The following KLRD1 variants were observed in gnomAD, a reference collection of about 807,000 sequenced individuals.
The protein encoded by KLRD1 is killer cell lectin like receptor D1.
Under a neutral mutation model 22.6 loss-of-function variants are expected in KLRD1, and 21 were observed. The ratio of observed to expected loss-of-function variants is 0.93; its 90% CI spans 0.66 to 1.34. The LOEUF (loss-of-function observed/expected upper bound fraction) is 1.34. KLRD1 is among the 40% of genes most tolerant of loss of function. KLRD1 has a pLI of 0.00. For missense variants in KLRD1, 183 were observed against 208.6 expected (o/e 0.88, Z 0.76); for synonymous variants, 59 against 71.1 (o/e 0.83, Z 0.85).
chr12:10,286,652 G>A (rs1243358083), intron 1 of KLRD1, among the ~76,000 whole-genome samples: 2 of 103,538 alleles, frequency 1.9e-5, no homozygotes, highest in Admixed American at 1.0e-4. Flanking sequence ...ATTTTATTTC[G>A]CTTATGGTGC....
chr12:10,311,425 T>A, intron 3 of KLRD1, 39 bp from the exon 4 acceptor site: 1 of 1,573,850 alleles, frequency 6.4e-7, no homozygotes, highest in African/African-American at 1.4e-5. Context: ...AAATGTCTAG[T>A]CTCCAGTGTC....
chr12:10,246,535 C>T (rs2137614415), intron 1 of KLRD1, among the ~76,000 whole-genome samples: 1 of 152,240 alleles, frequency 6.6e-6, no homozygotes, highest in East Asian at 1.9e-4. Context: ...TCTGAGAAAA[C>T]TCTTCCACAT....
chr12:10,296,935 T>C (rs1440861234), intron 1 of KLRD1, among the ~76,000 whole-genome samples: 3 of 152,264 alleles, frequency 2.0e-5, no homozygotes, highest in Admixed American at 2.0e-4. Context: ...AAGATGGCTC[T>C]GCTTTCTCCC....
intron 1 of KLRD1, among the ~76,000 whole-genome samples, chr12:10,286,799 G>A (rs944060106): frequency 2.7e-5 from 4 of 147,506 alleles, no homozygotes; most frequent in South Asian, 2.2e-4. Context: ...ATGAGCCACC[G>A]CATCTGGTCC....
In KLRD1 at chr12:10,326,709, A is replaced by T. The variant is rs974112418; in HGVS notation, c.*11916A>T. The T allele has an allele frequency of 6.6e-6, 1 of 152,132 alleles. No individual in the cohort carries two copies. Among genetic ancestry groups the T allele is most frequent in the Non-Finnish European group, 1.5e-5 (1 of 68,038 alleles). 9.4% of individuals were successfully genotyped at this position (152,132 alleles called of 1,614,324 possible). On this transcript the variant is annotated 3_prime_UTR_variant, in exon 6 of 6. Transcript: ENST00000336164. ...TCACAGGTAAGGGACAAATGGTTGC[A>T]TCTTTTTGTTTCTGATTAGCCTTTC... is the stretch of plus-strand genomic sequence containing the variant.
chr12:10,243,607 CA>C (rs34864670), intron 1 of KLRD1, among the ~76,000 whole-genome samples: 672 of 28,764 alleles, frequency 0.023, 61 homozygotes, highest in African/African-American at 0.13. Context: ...AGTGAGACTC[CA>C]AAAAAAAAAA....
At chr12:10,254,236 G>C (rs2927560) in intron 1 of KLRD1, among the ~76,000 whole-genome samples, 9,217 of 151,644 alleles carry the variant, frequency 0.061, 849 homozygotes, top group African/African-American at 0.2. Flanking sequence ...AGACCATTCT[G>C]GGTAACGTGG....
At chr12:10,254,331 G>A (rs1039607740) in intron 1 of KLRD1, among the ~76,000 whole-genome samples, 9 of 151,208 alleles carry the variant, frequency 6.0e-5, no homozygotes, top group African/African-American at 2.2e-4. Flanking sequence ...TGGAGGCTGA[G>A]GCAGGTGAAT....
At chr12:10,280,725 T>C (rs1949632885) in intron 1 of KLRD1, among the ~76,000 whole-genome samples, 1 of 152,008 alleles carries the variant, frequency 6.6e-6, no homozygotes, top group African/African-American at 2.4e-5. Context: ...GACTGTGTGA[T>C]ACAGTTGTCA....
At chr12:10,244,872 G>A (rs1210700333) in intron 1 of KLRD1, among the ~76,000 whole-genome samples, 1 of 152,136 alleles carries the variant, frequency 6.6e-6, no homozygotes, top group Non-Finnish European at 1.5e-5. Flanking sequence ...CTGTAGAGTG[G>A]TAATGCAGTA....
chr12:10,313,448 ACT>A lies in KLRD1; in HGVS notation c.359_360del (p.Ser120LeufsTer3). The A allele has an allele frequency of 6.2e-7, 1 of 1,607,226 alleles. No individual in the cohort carries two copies. Among genetic ancestry groups the A allele is most frequent in the Non-Finnish European group, 8.5e-7 (1 of 1,176,560 alleles). ...CCAGTCAACAATTTTACTGGATTGGACTCTCTTACAGTGAGGAGCACACCGCC... is the reference window on the plus strand; with the variant it reads ...CCAGTCAACAATTTTACTGGATTGGACTCTTACAGTGAGGAGCACACCGCC... ...SSSQQFYWIG[L>X]SYSEEHTAWL... On this transcript the variant is annotated frameshift_variant, in exon 5 of 6. Coordinates refer to ENST00000336164, the MANE Select transcript of KLRD1 (RefSeq NM_002262.5). LOFTEE classifies it high-confidence loss of function.
At chr12:10,262,595 A>T (rs1432448348) in intron 1 of KLRD1, among the ~76,000 whole-genome samples, 1 of 152,116 alleles carries the variant, frequency 6.6e-6, no homozygotes, top group African/African-American at 2.4e-5. Flanking sequence ...TGTGATAGAT[A>T]CCAACATTCC....
chr12:10,276,884 C>G (rs1405869314), intron 1 of KLRD1, among the ~76,000 whole-genome samples: 1 of 151,944 alleles, frequency 6.6e-6, no homozygotes, highest in Non-Finnish European at 1.5e-5. Context: ...TACTTAGTGA[C>G]AAGAGATGAT....
Position 10,313,494 on chromosome 12 carries a change from T to A in KLRD1, c.400T>A (p.Ser134Thr). The change falls in exon 5 of 6, where the codon TCT becomes ACT. Residue 134 changes from serine (S) to threonine (T), a missense_variant. Coordinates refer to ENST00000336164, the MANE Select transcript of KLRD1 (RefSeq NM_002262.5). ...EHTAWLWENG[S>T]ALSQYLFPSF... is the part of the protein sequence containing the mutation. Reference sequence around the variant, plus strand: ...CACCGCCTGGTTGTGGGAGAATGGCTCTGCACTCTCCCAGTATCTGTAAGT... The same window carrying A: ...CACCGCCTGGTTGTGGGAGAATGGCACTGCACTCTCCCAGTATCTGTAAGT... 6.3e-7 allele frequency: 1 copy of A among 1,597,588 alleles called. No individual in the cohort carries two copies. Among genetic ancestry groups the A allele is most frequent in the Non-Finnish European group, 8.6e-7 (1 of 1,169,128 alleles).
intron 1 of KLRD1, among the ~76,000 whole-genome samples, chr12:10,293,828 G>A (rs1257419457): frequency 6.6e-6 from 1 of 152,104 alleles, no homozygotes; most frequent in Non-Finnish European, 1.5e-5. Context: ...TTATCACTGG[G>A]GAAACCCAAC....
Position 10,311,181 on chromosome 12 carries a change from A to G in KLRD1, c.164-283A>G, listed in dbSNP as rs551777371. On this transcript the variant is annotated intron_variant, in intron 3 of 5. Coordinates refer to ENST00000336164, the MANE Select transcript of KLRD1 (RefSeq NM_002262.5). ...ACACTCTGCTACATGCTGTTTTAAC[A>G]TACTTAATTTTTTTGTACTTATCTA... Among the ~76,000 whole-genome samples the G allele has an allele frequency of 2.6e-5, 4 of 152,294 alleles. No individual in the cohort carries two copies. The East Asian group carries it at 5.8e-4, about 22-fold the overall frequency.
rs186374742 is a variant in KLRD1, at chr12:10,315,476, A to G, written c.*683A>G. 9.1e-4 allele frequency: 165 copies of G among 182,256 alleles called. No individual in the cohort carries two copies. Among genetic ancestry groups the G allele is most frequent in the African/African-American group, 3.5e-3 (148 of 41,834 alleles). The allele number at this position is 182,256 out of a possible 1,614,324, so 11.3% of individuals were successfully genotyped here. A position where few individuals can be genotyped will look rare whatever the true frequency, so the allele number is the denominator to read the frequency against. ...GATTTGGGAAAAATGCATTTCAGGT[A>G]ACTGACAAAAGATATAGGATGAAAA... On this transcript the variant is annotated 3_prime_UTR_variant, in exon 6 of 6. Coordinates refer to ENST00000336164, the MANE Select transcript of KLRD1 (RefSeq NM_002262.5).
intron 1 of KLRD1, among the ~76,000 whole-genome samples, chr12:10,245,993 T>C (rs1228881638): frequency 1.3e-5 from 2 of 152,136 alleles, no homozygotes; most frequent in Non-Finnish European, 2.9e-5. Flanking sequence ...CAATTTACTT[T>C]AAAAAGAAGC....
chr12:10,264,686 G>A (rs1232675324), intron 1 of KLRD1, among the ~76,000 whole-genome samples: 1 of 151,754 alleles, frequency 6.6e-6, no homozygotes, highest in African/African-American at 2.4e-5. Context: ...TACCTTCTGT[G>A]TGTGTGTGTG....
Sources: allele counts gnomAD v4.1 joint callset (sites outside exome capture counted in the v4.1 genomes callset), GRCh38; gene constraint gnomAD v4.1.1; transcripts MANE v1.5; gene names NCBI Gene and HGNC (gene_info 2026-07-23, HGNC 2026-07-21).